Variants in COX7B2 observed in about 807,000 individuals in gnomAD.
COX7B2 encodes cytochrome c oxidase subunit 7B2, mitochondrial.
For missense variants in COX7B2, 109 were observed against 95.9 expected (o/e 1.14, Z -0.57); for synonymous variants, 37 against 32.1 (o/e 1.15, Z -0.51).
intron 2 of COX7B2, among the ~76,000 whole-genome samples, chr4:46,781,014 T>A (rs1191728713): frequency 6.6e-6 from 1 of 152,190 alleles, no homozygotes; most frequent in Non-Finnish European, 1.5e-5. Context: ...GGTAATGGAT[T>A]TCAATATGGC....
intron 2 of COX7B2, among the ~76,000 whole-genome samples, chr4:46,802,030 G>C (rs1416630087): frequency 6.6e-6 from 1 of 152,104 alleles, no homozygotes; most frequent in Non-Finnish European, 1.5e-5. Context: ...ACAGAGTAGA[G>C]ATAACCCTTC....
intron 2 of COX7B2, among the ~76,000 whole-genome samples, chr4:46,749,336 C>G (rs989570838): frequency 3.3e-5 from 5 of 152,078 alleles, no homozygotes; most frequent in African/African-American, 1.2e-4. Flanking sequence ...CAAAATGTCT[C>G]CATCCTAACT....
At chr4:46,838,689 T>TAA (rs1267490101) in intron 2 of COX7B2, among the ~76,000 whole-genome samples, 1 of 152,032 alleles carries the variant, frequency 6.6e-6, no homozygotes, top group African/African-American at 2.4e-5. Flanking sequence ...GGTCAGTCCT[T>TAA]ACTATTCAAA....
At chr4:46,880,412 C>CTTTTTT (rs548281459) in intron 1 of COX7B2, among the ~76,000 whole-genome samples, 1 of 85,606 alleles carries the variant, frequency 1.2e-5, no homozygotes, top group Non-Finnish European at 2.2e-5. Flanking sequence ...AGGTCCTGGG[C>CTTTTTT]TTTTTTTTTT....
At chr4:46,838,930 C>A (rs767113207) in intron 2 of COX7B2, among the ~76,000 whole-genome samples, 2 of 151,698 alleles carry the variant, frequency 1.3e-5, no homozygotes, top group Non-Finnish European at 2.9e-5. Context: ...ATCTCAAGAT[C>A]ATGCCATGAA....
At chr4:46,831,194 G>A (rs940707882) in intron 2 of COX7B2, among the ~76,000 whole-genome samples, 7 of 152,096 alleles carry the variant, frequency 4.6e-5, no homozygotes, top group Admixed American at 1.3e-4. Context: ...CAGCAGCTGC[G>A]GAGGGTGGGC....
At chr4:46,798,735 T>C (rs1718489154) in intron 2 of COX7B2, among the ~76,000 whole-genome samples, 2 of 152,156 alleles carry the variant, frequency 1.3e-5, no homozygotes. Context: ...TACCAAGCCA[T>C]AAAGTTGGCA....
At chr4:46,908,208 C>T (rs578140886) in intron 1 of COX7B2, among the ~76,000 whole-genome samples, 1 of 152,162 alleles carries the variant, frequency 6.6e-6, no homozygotes, top group East Asian at 1.9e-4. Context: ...ACATTTCCTG[C>T]AAATACCACT....
chr4:46,851,768 GATCT>G (rs747758722), intron 1 of COX7B2, among the ~76,000 whole-genome samples: 5 of 152,006 alleles, frequency 3.3e-5, no homozygotes, highest in East Asian at 1.9e-4. Flanking sequence ...TTTGTCTAAT[GATCT>G]ATCAAATTAC....
At position 46,791,436 on chromosome 4, in the gene COX7B2, C is replaced by T. The variant is rs1308863255; in HGVS notation, c.-50+53524G>A. On this transcript the variant is annotated intron_variant, in intron 2 of 2. Transcript: ENST00000355591. ...TTAAGTTTATAGGTGAATCTTAACT[C>T]GCCTTGGTATTTTTCCTTGTCTCTT... is the stretch of plus-strand genomic sequence containing the variant. Among the ~76,000 whole-genome samples, 11 of 152,162 alleles carry T rather than the reference C, an allele frequency of 7.2e-5. No homozygotes were observed. In the South Asian group the frequency reaches 1.2e-3, roughly 17 times the overall value.
chr4:46,878,002 TA>T lies in COX7B2; in HGVS notation c.-105+31157del, dbSNP rs1389669007. Reference sequence around the variant, plus strand: ...ACATGTCCACCAATGGATGAATGAATAAAGAAATTGTAGTGCATACACACAC... The same window carrying T: ...ACATGTCCACCAATGGATGAATGAATAAGAAATTGTAGTGCATACACACAC... On this transcript the variant is annotated intron_variant, in intron 1 of 2. Transcript: ENST00000355591. Among the ~76,000 whole-genome samples, 3 of 148,720 alleles carry T rather than the reference TA, an allele frequency of 2.0e-5. No individual in the cohort carries two copies. In the Admixed American group the frequency reaches 2.0e-4, roughly 10 times the overall value.
chr4:46,906,031 T>C (rs901817415), intron 1 of COX7B2, among the ~76,000 whole-genome samples: 1 of 151,152 alleles, frequency 6.6e-6, no homozygotes, highest in South Asian at 2.1e-4. Context: ...GGGTTTCACC[T>C]TGTTAGCCAG....
At chr4:46,743,782 T>C (rs958178619) in intron 2 of COX7B2, among the ~76,000 whole-genome samples, 5 of 148,858 alleles carry the variant, frequency 3.4e-5, no homozygotes, top group African/African-American at 1.0e-4. Context: ...CCTGAAGCAT[T>C]ATCTCCAGAT....
At chr4:46,775,522 T>A (rs922209749) in intron 2 of COX7B2, among the ~76,000 whole-genome samples, 4 of 152,136 alleles carry the variant, frequency 2.6e-5, no homozygotes, top group Non-Finnish European at 4.4e-5. Context: ...GAATAAGCTG[T>A]TTAAATGCTT....
At chr4:46,777,897 A>C (rs548453205) in intron 2 of COX7B2, among the ~76,000 whole-genome samples, 1 of 152,166 alleles carries the variant, frequency 6.6e-6, no homozygotes, top group African/African-American at 2.4e-5. Flanking sequence ...ACCAAATAAC[A>C]TGATATATCT....
intron 1 of COX7B2, among the ~76,000 whole-genome samples, chr4:46,850,250 T>C (rs1275190050): frequency 1.3e-5 from 2 of 151,728 alleles, no homozygotes; most frequent in Non-Finnish European, 2.9e-5. Context: ...TAAAATAATT[T>C]AAATGATTTA....
intron 1 of COX7B2, among the ~76,000 whole-genome samples, chr4:46,850,290 G>A (rs1279677106): frequency 6.6e-6 from 1 of 151,714 alleles, no homozygotes; most frequent in Non-Finnish European, 1.5e-5. Flanking sequence ...ATTTAAAAAT[G>A]AGATACTGGA....
At chr4:46,836,588 AT>A (rs145215003) in intron 2 of COX7B2, among the ~76,000 whole-genome samples, 2,508 of 151,908 alleles carry the variant, frequency 0.017, 60 homozygotes, top group African/African-American at 0.057. Context: ...CTACAGTTAA[AT>A]TTTAAAAAAA....
intron 2 of COX7B2, among the ~76,000 whole-genome samples, chr4:46,737,607 G>C (rs1264097302): frequency 6.6e-6 from 1 of 152,130 alleles, no homozygotes; most frequent in Non-Finnish European, 1.5e-5. Flanking sequence ...AATTAGATGT[G>C]CATTTCATAA....
Sources: gnomAD v4.1 joint callset for allele counts (sites outside exome capture counted in the v4.1 genomes callset) on GRCh38, gnomAD v4.1.1 for gene constraint, MANE v1.5 for transcripts, NCBI Gene and HGNC (gene_info 2026-07-23, HGNC 2026-07-21) for gene names.